The following AGBL4 variants were observed in gnomAD, a reference collection of about 807,000 sequenced individuals.
AGBL4 encodes the protein AGBL carboxypeptidase 4, also known as cytosolic carboxypeptidase 6.
In AGBL4, 58 loss-of-function variants were observed where a neutral mutation model predicts 66.4. That is an observed-to-expected ratio of 0.87 (90% CI 0.71 to 1.09). The LOEUF (loss-of-function observed/expected upper bound fraction) is 1.09, where lower values mean the gene tolerates loss of function less well. AGBL4 is among the 50% of genes least tolerant of loss of function. AGBL4 has a pLI of 0.00. For synonymous variants in AGBL4, 234 were observed against 222.9 expected, an observed-to-expected ratio of 1.05 and a Z score of -0.44; for missense variants, 579 against 631.0, an observed-to-expected ratio of 0.92 and a Z score of 0.88.
intron 1 of AGBL4, chr1:49,995,566 TG>T: frequency 3.4e-6 from 1 of 293,438 alleles, no homozygotes. Flanking sequence ...CTACCTGCCC[TG>T]GTAGCCAAAG....
rs147399768 is a variant in AGBL4, at chr1:48,725,685, C to T, written c.635-62444G>A. Among the ~76,000 whole-genome samples, 3 of 152,292 alleles carry T rather than the reference C, an allele frequency of 2.0e-5. No individual in the cohort carries two copies. The East Asian group carries it at 5.8e-4, about 29-fold the overall frequency. ...ATCCAGGTCCACTGCTGACAGACAG[C>T]TCCAGGACCTTGAGCAAGAAATTAT... On this transcript the variant is annotated intron_variant, in intron 6 of 13. Coordinates refer to ENST00000371839, the MANE Select transcript of AGBL4 (RefSeq NM_032785.4).
At position 49,771,857 on chromosome 1, in the gene AGBL4, G is replaced by A. The variant is rs569811568; in HGVS notation, c.158-74420C>T. Among the ~76,000 whole-genome samples, 275 of 151,900 alleles carry A rather than the reference G, an allele frequency of 1.8e-3. 3 individuals carry two copies. The highest frequency in any genetic ancestry group is 6.2e-3 in the African/African-American group (257 of 41,474). On this transcript the variant is annotated intron_variant, in intron 2 of 13. Transcript: ENST00000371839. ...TTTCCATCCCTTCATTTTCAGCCCT[G>A]TATTGTCTTTAATGGTGAGATGAGT... is the stretch of plus-strand genomic sequence containing the variant.
intron 3 of AGBL4, among the ~76,000 whole-genome samples, chr1:49,340,660 T>C (rs1158887497): frequency 3.3e-5 from 5 of 152,138 alleles, no homozygotes; most frequent in Non-Finnish European, 5.9e-5. Flanking sequence ...CCCAAAGATA[T>C]TTAAGTCCTA....
chr1:48,804,343 C>G (rs894761704), intron 6 of AGBL4, among the ~76,000 whole-genome samples: 1 of 152,182 alleles, frequency 6.6e-6, no homozygotes, highest in Non-Finnish European at 1.5e-5. Context: ...AGAAAATGCC[C>G]TCAGTTATCA....
chr1:48,528,616 G>A (rs573288429), downstream of AGBL4, among the ~76,000 whole-genome samples: 3 of 152,046 alleles, frequency 2.0e-5, no homozygotes, highest in South Asian at 4.2e-4. Context: ...TGTGGACCAC[G>A]GGCATGAGAT....
At chr1:49,516,659 A>G (rs548101357) in intron 3 of AGBL4, among the ~76,000 whole-genome samples, 1 of 152,110 alleles carries the variant, frequency 6.6e-6, no homozygotes, top group Admixed American at 6.6e-5. Flanking sequence ...AGGAGAGGAT[A>G]TGTGATTAGA....
chr1:48,843,340 T>C (rs1424984345), intron 6 of AGBL4, among the ~76,000 whole-genome samples: 2 of 152,178 alleles, frequency 1.3e-5, no homozygotes, highest in Non-Finnish European at 2.9e-5. Context: ...AGAGCTTATA[T>C]AAATTTCTAA....
chr1:48,909,596 A>G (rs780726947), intron 5 of AGBL4, among the ~76,000 whole-genome samples: 4 of 152,156 alleles, frequency 2.6e-5, no homozygotes, highest in Non-Finnish European at 5.9e-5. Context: ...CAGGGACTAA[A>G]TTTTTTCCTC....
At chr1:49,878,132 T>A (rs1243437391) in intron 1 of AGBL4, among the ~76,000 whole-genome samples, 1 of 147,014 alleles carries the variant, frequency 6.8e-6, no homozygotes, top group Non-Finnish European at 1.5e-5. Flanking sequence ...ACTGATTTTT[T>A]GAAGGGTTTT....
intron 2 of AGBL4, among the ~76,000 whole-genome samples, chr1:49,783,260 A>G (rs556175402): frequency 1.3e-5 from 2 of 152,346 alleles, no homozygotes; most frequent in African/African-American, 4.8e-5. Context: ...CTAAAGATCA[A>G]TATCTTTTAT....
chr1:49,683,322 T>C (rs1487457801), intron 3 of AGBL4, among the ~76,000 whole-genome samples: 1 of 152,148 alleles, frequency 6.6e-6, no homozygotes. Flanking sequence ...TCACTTGTTT[T>C]ATCAACATAT....
intron 3 of AGBL4, among the ~76,000 whole-genome samples, chr1:49,512,603 C>T (rs573431061): frequency 2.6e-5 from 4 of 151,864 alleles, no homozygotes; most frequent in South Asian, 2.1e-4. Flanking sequence ...TGCCTTCTGC[C>T]GTGATTGGAA....
intron 6 of AGBL4, among the ~76,000 whole-genome samples, chr1:48,836,717 A>T (rs1378270982): frequency 6.6e-6 from 1 of 152,130 alleles, no homozygotes; most frequent in East Asian, 1.9e-4. Flanking sequence ...TGGTGTCTTA[A>T]CATGCCTTGT....
chr1:49,301,371 C>A (rs1644742052), intron 3 of AGBL4, among the ~76,000 whole-genome samples: 1 of 152,204 alleles, frequency 6.6e-6, no homozygotes, highest in Non-Finnish European at 1.5e-5. Flanking sequence ...AGCTAACTGT[C>A]TTTGCTAATC....
chr1:49,233,272 C>T (rs1283827520), intron 4 of AGBL4, among the ~76,000 whole-genome samples: 2 of 152,044 alleles, frequency 1.3e-5, no homozygotes. Context: ...AACATATGGC[C>T]CCAAATAAAT....
intron 4 of AGBL4, among the ~76,000 whole-genome samples, chr1:49,167,383 A>C (rs1359682500): frequency 6.6e-6 from 1 of 152,204 alleles, no homozygotes; most frequent in Admixed American, 6.6e-5. Context: ...CTGACAGAAG[A>C]GATACCCTCT....
At chr1:48,591,018 TGGGCTGTAGA>T (rs1304233593) in intron 9 of AGBL4, 33 bp from the exon 10 acceptor site, 2 of 1,579,862 alleles carry the variant, frequency 1.3e-6, no homozygotes, top group Non-Finnish European at 1.7e-6. Context: ...ATGAGAAGTC[TGGGCTGTAGA>T]GCTTGTGTAT....
intron 11 of AGBL4, among the ~76,000 whole-genome samples, chr1:48,560,543 T>C (rs1449200851): frequency 2.6e-5 from 4 of 152,204 alleles, no homozygotes; most frequent in South Asian, 2.1e-4. Flanking sequence ...CTCTAGATCA[T>C]GCCATATACT....
chr1:49,647,154 A>G (rs1181996921), intron 3 of AGBL4, among the ~76,000 whole-genome samples: 4 of 152,048 alleles, frequency 2.6e-5, no homozygotes, highest in Non-Finnish European at 5.9e-5. Flanking sequence ...ATCATCATCC[A>G]TAAAAACAAA....
Sources: gnomAD v4.1 joint callset for allele counts (sites outside exome capture counted in the v4.1 genomes callset) on GRCh38, gnomAD v4.1.1 for gene constraint, MANE v1.5 for transcripts, NCBI Gene and HGNC (gene_info 2026-07-23, HGNC 2026-07-21) for gene names.